CFAP43: variants seen among roughly 807,000 people sequenced by gnomAD.
CFAP43 encodes the protein cilia- and flagella-associated protein 43.
CFAP43 carries 155 observed loss-of-function variants against 218.9 expected under a neutral mutation model. The ratio of observed to expected loss-of-function variants is 0.71; its 90% confidence interval spans 0.62 to 0.81. CFAP43 has a LOEUF of 0.81. Among genes scored for constraint, CFAP43 ranks in the 30% least tolerant of loss-of-function variants. The probability of loss-of-function intolerance (pLI) is 0.00; values close to 1 mark genes in which losing one functional copy is unlikely to be tolerated. For missense variants in CFAP43, 1,778 were observed against 1,954.3 expected, an observed-to-expected ratio of 0.91 and a Z score of 1.70; for synonymous variants, 645 against 681.3, an observed-to-expected ratio of 0.95 and a Z score of 0.83.
chr10:104,173,384 T>A (rs543389122), intron 19 of CFAP43, among the ~76,000 whole-genome samples: 15 of 152,164 alleles, frequency 9.9e-5, no homozygotes, highest in Non-Finnish European at 2.1e-4. Flanking sequence ...CAGCCCTGAA[T>A]GCCCTCAGCA....
In CFAP43 at chr10:104,214,239, G is replaced by C; in HGVS notation, c.584+20C>G. The C allele has an allele frequency of 6.4e-7, 1 of 1,551,670 alleles. No homozygotes were observed. The highest frequency in any genetic ancestry group is 8.7e-7 in the Non-Finnish European group (1 of 1,149,064). ...AAACAAAGACCACCATGTTGCTACT[G>C]TTGTAACAAAGGCTCCTACCTTGCT... On this transcript the variant is annotated intron_variant, in intron 4 of 37. Coordinates refer to ENST00000357060, the MANE Select transcript of CFAP43 (RefSeq NM_025145.7).
In CFAP43 at chr10:104,232,213, G is replaced by T; in HGVS notation, c.34C>A (p.His12Asn). 1 of 1,609,378 alleles carries T rather than the reference G, an allele frequency of 6.2e-7. No homozygotes were observed. Among genetic ancestry groups the T allele is most frequent in the East Asian group, 2.2e-5 (1 of 44,566 alleles). ...GACAAGGACGCGCCGCCGGCGGAGT[G>T]GGGGCCTTCGTCGCGCTCCCGGCCT... ...AQGRERDEGP[H>N]SAGGASLSVR... The change falls in exon 1 of 38, where the codon CAC becomes AAC. Residue 12 changes from histidine to asparagine, a missense_variant. By Grantham distance (68) the His-to-Asn change is moderately conservative (BLOSUM62 1). This residue lies in a region of CFAP43 where 1,553 missense variants were observed against 1,685.2 expected (regional missense o/e 0.92). Transcript: ENST00000357060.
intron 5 of CFAP43, among the ~76,000 whole-genome samples, chr10:104,209,307 T>C (rs2090784546): frequency 1.3e-5 from 2 of 152,214 alleles, no homozygotes; most frequent in Admixed American, 1.3e-4. Flanking sequence ...ATGGCTTTAT[T>C]AATAATCCAT....
intron 12 of CFAP43, among the ~76,000 whole-genome samples, chr10:104,190,416 C>A (rs1733517095): frequency 1.3e-5 from 2 of 152,180 alleles, no homozygotes; most frequent in Admixed American, 6.5e-5. Context: ...ACACTCAGTG[C>A]CATCTAATTT....
At chr10:104,162,464 TC>T in intron 24 of CFAP43, 61 bp from the exon 25 acceptor site, 5 of 1,405,510 alleles carry the variant, frequency 3.6e-6, no homozygotes, top group Non-Finnish European at 5.1e-6. Flanking sequence ...AAACTTTCCT[TC>T]CACATACTGG....
chr10:104,139,742 T>G (rs1173032028), intron 34 of CFAP43, among the ~76,000 whole-genome samples: 1 of 152,156 alleles, frequency 6.6e-6, no homozygotes, highest in Non-Finnish European at 1.5e-5. Flanking sequence ...GGAAGTTCTT[T>G]AAGCAGAAGG....
intron 15 of CFAP43, 142 bp from the exon 16 acceptor site, chr10:104,185,288 A>G (rs539945969): frequency 5.7e-6 from 6 of 1,044,128 alleles, no homozygotes; most frequent in Non-Finnish European, 8.4e-6. Context: ...GAAGTAGGCA[A>G]TTGGCAATAC....
chr10:104,175,089 A>AAAC (rs762164713), intron 19 of CFAP43, among the ~76,000 whole-genome samples: 9 of 130,088 alleles, frequency 6.9e-5, no homozygotes, highest in Non-Finnish European at 1.5e-4. Context: ...ACAAACAAAC[A>AAAC]AAAAAAAACC....
At chr10:104,226,597 A>G (rs1440605557) in intron 2 of CFAP43, among the ~76,000 whole-genome samples, 1 of 152,134 alleles carries the variant, frequency 6.6e-6, no homozygotes, top group Admixed American at 6.5e-5. Context: ...TACCCTCTAT[A>G]ATCCTACTAC....
rs779066997 is a variant in CFAP43 at position 104,143,553 on chromosome 10, G to C, written c.4031C>G (p.Ala1344Gly). 7 of 1,614,048 alleles carry C rather than the reference G, an allele frequency of 4.3e-6. No individual in the cohort carries two copies. Among genetic ancestry groups the C allele is most frequent in the Admixed American group, 1.7e-5 (1 of 60,000 alleles). Residue 1344 changes from alanine (A) to glycine (G), a missense_variant, in exon 32 of 38, where the codon GCC becomes GGC. By Grantham distance (60) the Ala-to-Gly change is moderately conservative (BLOSUM62 0). Around this residue, in one of 3 missense-constraint regions of CFAP43, gnomAD observed 1,553 missense variants for 1,685.2 expected, o/e 0.92. Transcript: ENST00000357060. The part of the protein sequence containing the change: ...LPGSGKLNKD[A>G]FAQLMKAMDE... The stretch of plus-strand genomic sequence containing the variant: ...CATAGCTTTCATTAACTGGGCAAAG[G>C]CATCCTTATTCAACTTGCCAGATCC...
intron 15 of CFAP43, 79 bp from the exon 16 acceptor site, chr10:104,185,225 C>CT (rs2089994139): frequency 1.9e-5 from 30 of 1,549,376 alleles, no homozygotes; most frequent in Non-Finnish European, 2.5e-5. Flanking sequence ...TTATATGCCC[C>CT]TTTTTTGTGG....
At chr10:104,202,129 C>G (rs939522512) in intron 8 of CFAP43, among the ~76,000 whole-genome samples, 1 of 152,172 alleles carries the variant, frequency 6.6e-6, no homozygotes, top group African/African-American at 2.4e-5. Flanking sequence ...CCAATAAAAT[C>G]TTATTTGAAA....
chr10:104,179,312 T>A (rs1179610413), intron 18 of CFAP43, among the ~76,000 whole-genome samples: 1 of 152,196 alleles, frequency 6.6e-6, no homozygotes, highest in Non-Finnish European at 1.5e-5. Context: ...ATGAAACTGA[T>A]GTCAATTATA....
chr10:104,182,246 G>T, intron 17 of CFAP43, 120 bp downstream of exon 17: 1 of 1,122,258 alleles, frequency 8.9e-7, no homozygotes, highest in African/African-American at 1.6e-5. Context: ...GAAAATCATG[G>T]GATACCTGGA....
intron 27 of CFAP43, among the ~76,000 whole-genome samples, chr10:104,157,759 TGTGTGTGTGTGTGTGTGA>T (rs1218871839): frequency 4.0e-5 from 5 of 124,140 alleles, no homozygotes; most frequent in African/African-American, 1.7e-4. Context: ...TGTGTGTGTG[TGTGTGTGTGTGTGTGTGA>T]GAGAGAGAGA....
At chr10:104,146,225 C>A in intron 30 of CFAP43, 38 bp downstream of exon 30, 1 of 1,535,304 alleles carries the variant, frequency 6.5e-7, no homozygotes, top group South Asian at 1.1e-5. Context: ...AGCAACAACT[C>A]TACTGCATTG....
intron 3 of CFAP43, among the ~76,000 whole-genome samples, chr10:104,222,107 G>A (rs1480584839): frequency 6.6e-6 from 1 of 152,126 alleles, no homozygotes; most frequent in Non-Finnish European, 1.5e-5. Flanking sequence ...AGTCTTCTTA[G>A]ATCAATTTAC....
At position 104,196,837 on chromosome 10, in the gene CFAP43, T is replaced by A. The variant is rs1564787293; in HGVS notation, c.1293+16A>T. 6.3e-7 allele frequency: 1 copy of A among 1,577,210 alleles called. No individual in the cohort carries two copies. Among genetic ancestry groups the A allele is most frequent in the East Asian group, 2.3e-5 (1 of 44,304 alleles). On this transcript the variant is annotated intron_variant, in intron 10 of 37. Transcript: ENST00000357060. ...ATTCAGTATTTTTTTAAAATCCATT[T>A]ATCAAGTATACTTACTAGGGTATTC...
At chr10:104,162,149 T>G (rs1389941910) in intron 25 of CFAP43, 108 bp from the exon 26 acceptor site, 9 of 1,315,418 alleles carry the variant, frequency 6.8e-6, no homozygotes, top group Non-Finnish European at 9.7e-6. Flanking sequence ...CATTTGGGAT[T>G]GGGGAAGGTA....
Sources: allele counts gnomAD v4.1 joint callset (sites outside exome capture counted in the v4.1 genomes callset), GRCh38; gene constraint gnomAD v4.1.1; regional missense constraint gnomAD v4.1.1; transcripts MANE v1.5; gene names NCBI Gene and HGNC (gene_info 2026-07-23, HGNC 2026-07-21).